Variants in CENPE observed in about 807,000 individuals in gnomAD.
CENPE encodes the protein centromere protein E, also known as centromere-associated protein E.
In CENPE, 145 loss-of-function variants were observed where a neutral mutation model predicts 336.1. The ratio of observed to expected loss-of-function variants is 0.43; its 90% CI spans 0.38 to 0.50. The LOEUF (loss-of-function observed/expected upper bound fraction) is 0.50. CENPE is among the 20% of genes least tolerant of loss of function. CENPE has a pLI of 0.00. For synonymous variants in CENPE, 1,013 were observed against 984.8 expected, an observed-to-expected ratio of 1.03 and a Z score of -0.54; for missense variants, 2,719 against 3,023.3, an observed-to-expected ratio of 0.90 and a Z score of 2.36.
chr4:103,116,251 T>TACACACACACAC lies in CENPE; in HGVS notation c.7442+314_7442+325dup, dbSNP rs58894383. ...CAGAAGCCTTAGTAAAACTGCTAAA[T>TACACACACACAC]ACACACACACACACACACACACACA... is the stretch of plus-strand genomic sequence containing the variant. On this transcript the variant is annotated intron_variant, in intron 45 of 48. Transcript: ENST00000265148. The TACACACACACAC allele has an allele frequency of 0.031, 4,601 of 149,956 alleles. 70 individuals carry two copies. The highest frequency in any genetic ancestry group is 0.05 in the Middle Eastern group (15 of 300). The allele number at this position is 149,956 out of a possible 1,614,324, so 9.3% of individuals were successfully genotyped here. A position where few individuals can be genotyped will look rare whatever the true frequency, so the allele number is the denominator to read the frequency against.
At chr4:103,148,813 T>G in intron 28 of CENPE, 31 bp downstream of exon 28, 1 of 1,586,482 alleles carries the variant, frequency 6.3e-7, no homozygotes, top group Non-Finnish European at 8.6e-7. Context: ...AAGGAAGAAG[T>G]GACAAAGGAT....
At chr4:103,184,443 G>C (rs1389816192) in intron 9 of CENPE, among the ~76,000 whole-genome samples, 2 of 152,072 alleles carry the variant, frequency 1.3e-5, no homozygotes, top group Non-Finnish European at 2.9e-5. Flanking sequence ...AGTTACAAAA[G>C]GGTTTTCCCA....
intron 16 of CENPE, among the ~76,000 whole-genome samples, chr4:103,171,415 CA>C (rs1755400342): frequency 6.6e-6 from 1 of 151,966 alleles, no homozygotes; most frequent in Non-Finnish European, 1.5e-5. Flanking sequence ...CGCTCCTGAA[CA>C]ACCACTGGGT....
At position 103,183,546 on chromosome 4, in the gene CENPE, A is replaced by G. The variant is rs180682359; in HGVS notation, c.746-258T>C. Among the ~76,000 whole-genome samples the G allele has an allele frequency of 3.8e-3, 582 of 152,074 alleles. 5 individuals are homozygous for G. The highest frequency in any genetic ancestry group is 0.014 in the African/African-American group (565 of 41,496). ...TGAAGAGGGAGGGAAGAATGCAGGG[A>G]AAAAAAACCTGTTTCCTGAAAGAGC... On this transcript the variant is annotated intron_variant, in intron 9 of 48. Transcript: ENST00000265148.
At chr4:103,124,862 T>TG (rs2125876065) in intron 42 of CENPE, among the ~76,000 whole-genome samples, 1 of 152,314 alleles carries the variant, frequency 6.6e-6, no homozygotes, top group East Asian at 1.9e-4. Context: ...TCCTTGGCTC[T>TG]GGACTATGCA....
chr4:103,146,662 C>A (rs550084703), intron 29 of CENPE, among the ~76,000 whole-genome samples: 9 of 149,494 alleles, frequency 6.0e-5, no homozygotes, highest in Non-Finnish European at 1.0e-4. Context: ...AAGATCTGCA[C>A]CTAGGGCCTC....
At chr4:103,114,038 G>A (rs940422055) in intron 46 of CENPE, among the ~76,000 whole-genome samples, 9 of 152,016 alleles carry the variant, frequency 5.9e-5, no homozygotes, top group Admixed American at 4.6e-4. Context: ...TTAGTTTCAA[G>A]AACAAACAGA....
chr4:103,197,916 T>A (rs1757861088), intron 1 of CENPE, among the ~76,000 whole-genome samples: 1 of 152,174 alleles, frequency 6.6e-6, no homozygotes, highest in African/African-American at 2.4e-5. Context: ...AGGTGTAAAA[T>A]GACTAACTGT....
Position 103,147,741 on chromosome 4 carries a change from G to T in CENPE, c.3844-95C>A, listed in dbSNP as rs2711894. ...CGGCATCTCACTCTGTTGCCCAGGT[G>T]GGAGTGCAGTGGCGCAATCTCAGTT... On this transcript the variant is annotated intron_variant, in intron 28 of 48. Coordinates refer to ENST00000265148, the MANE Select transcript of CENPE (RefSeq NM_001813.3). The T allele has an allele frequency of 0.16, 174,162 of 1,112,196 alleles. 14,976 individuals are homozygous for T. The highest frequency in any genetic ancestry group is 0.17 in the Non-Finnish European group (134,564 of 790,480). The allele number at this position is 1,112,196 out of a possible 1,614,324, so 68.9% of individuals were successfully genotyped here. A position where few individuals can be genotyped will look rare whatever the true frequency, so the allele number is the denominator to read the frequency against.
In CENPE at chr4:103,122,961, A is replaced by C. The variant is rs773511630; in HGVS notation, c.7053T>G (p.Thr2351=). Reference sequence around the variant, plus strand: ...TAACCTGGGCACCAGATGCCAAGGAAGTCTTCAATGTTTGGTAGTTTTTAA... The same window carrying C: ...TAACCTGGGCACCAGATGCCAAGGACGTCTTCAATGTTTGGTAGTTTTTAA... ...KLFKNYQTLK[T]SLASGAQVNP... is the part of the protein sequence containing the mutation. The change falls in exon 43 of 49, where the codon ACT becomes ACG. Residue 2351 remains threonine, a synonymous_variant. Transcript: ENST00000265148. The C allele has an allele frequency of 1.5e-5, 24 of 1,613,834 alleles. No homozygotes were observed. The highest frequency in any genetic ancestry group is 3.4e-6 in the Non-Finnish European group (4 of 1,179,860).
intron 28 of CENPE, among the ~76,000 whole-genome samples, chr4:103,148,382 A>G (rs1753245016): frequency 6.6e-6 from 1 of 152,236 alleles, no homozygotes; most frequent in Non-Finnish European, 1.5e-5. Flanking sequence ...ATGATAAATT[A>G]GTGGTACCAT....
At position 103,163,568 on chromosome 4, in the gene CENPE, G is replaced by GAACAGGT. The variant is rs766106622; in HGVS notation, c.1648-22_1648-16dup. 8.4e-7 allele frequency: 1 copy of GAACAGGT among 1,192,014 alleles called. No individual in the cohort carries two copies. Among genetic ancestry groups the GAACAGGT allele is most frequent in the East Asian group, 2.9e-5 (1 of 34,372 alleles). 73.8% of individuals were successfully genotyped at this position (1,192,014 alleles called of 1,614,324 possible). ...ATTAGTTGCATCTGTAAGAGCATGT[G>GAACAGGT]AACAGGTAACAGAGCAAACCAATAG... On this transcript the variant is annotated splice_polypyrimidine_tract_variant and intron_variant, in intron 16 of 48. Coordinates refer to ENST00000265148, the MANE Select transcript of CENPE (RefSeq NM_001813.3).
intron 46 of CENPE, among the ~76,000 whole-genome samples, chr4:103,112,428 TACTTATAC>T (rs1749543288): frequency 7.3e-6 from 1 of 137,506 alleles, no homozygotes; most frequent in African/African-American, 2.6e-5. Context: ...TATACTTATA[TACTTATAC>T]ATACATATAC....
Position 103,158,882 on chromosome 4 carries a change from GA to G in CENPE, c.2605del (p.Ser869LeufsTer18). ...CTCCTGAAGTTCTTGGGTCTTGTAA[GA>G]AAGCTTTAAAAAAGAAAAAGTAAAT... Reference protein sequence around the residue: ...SSLGALKTELSYKTQELQEKT... With the variant: ...SSLGALKTELXYKTQELQEKT... On this transcript the variant is annotated frameshift_variant, in exon 23 of 49. Coordinates refer to ENST00000265148, the MANE Select transcript of CENPE (RefSeq NM_001813.3). LOFTEE classifies it high-confidence loss of function. 2 of 1,593,242 alleles carry G rather than the reference GA, an allele frequency of 1.3e-6. No individual in the cohort carries two copies. The highest frequency in any genetic ancestry group is 1.7e-6 in the Non-Finnish European group (2 of 1,174,436).
intron 12 of CENPE, among the ~76,000 whole-genome samples, chr4:103,181,035 G>A (rs561181375): frequency 1.0e-3 from 152 of 152,138 alleles, no homozygotes; most frequent in African/African-American, 3.2e-3. Context: ...CTTTTTAATC[G>A]AATTCATATG....
Position 103,106,247 on chromosome 4 carries a change from T to A in CENPE, c.8081A>T (p.Asp2694Val). 1 of 1,596,558 alleles carries A rather than the reference T, an allele frequency of 6.3e-7. No individual in the cohort carries two copies. The highest frequency in any genetic ancestry group is 8.5e-7 in the Non-Finnish European group (1 of 1,170,178). ...PGPWHASSGK[D>V]VPECKTQ The stretch of plus-strand genomic sequence containing the variant: ...CTACTGAGTTTTGCACTCAGGCACA[T>A]CCTTGCCTGAGGAGGCGTGCCAAGG... Residue 2694 changes from aspartate (D) to valine (V), a missense_variant, in exon 49 of 49, where the codon GAT (aspartate) becomes GTT (valine). Asp to Val is a radical substitution (Grantham distance 152). Coordinates refer to ENST00000265148, the MANE Select transcript of CENPE (RefSeq NM_001813.3).
rs761308491 is a variant in CENPE, at chr4:103,116,663, T to C, written c.7356A>G (p.Pro2452=). ...LQDKVALGAK[P]YKEEIEDLKM... ...TGAGATCTTCAATTTCTTCTTTATA[T>C]GGCTTAGCTCCTAAAGCAACTTTGT... The change falls in exon 45 of 49, where the codon CCA becomes CCG. Residue 2452 remains proline, a synonymous_variant. Transcript: ENST00000265148. 3.8e-6 allele frequency: 6 copies of C among 1,589,998 alleles called. No individual in the cohort carries two copies. The Admixed American group carries it at 1.1e-4, about 29-fold the overall frequency.
intron 42 of CENPE, among the ~76,000 whole-genome samples, chr4:103,129,433 A>T (rs1751395997): frequency 6.6e-6 from 1 of 152,176 alleles, no homozygotes; most frequent in African/African-American, 2.4e-5. Flanking sequence ...ACAGACCAGT[A>T]TCTCCCATAA....
chr4:103,149,783 G>A (rs978754898), intron 26 of CENPE, among the ~76,000 whole-genome samples: 4 of 152,242 alleles, frequency 2.6e-5, no homozygotes, highest in Admixed American at 1.3e-4. Context: ...GAATGCGAAG[G>A]GTAGCTGGGA....
Sources: allele counts gnomAD v4.1 joint callset (sites outside exome capture counted in the v4.1 genomes callset), GRCh38; gene constraint gnomAD v4.1.1; transcripts MANE v1.5; gene names NCBI Gene and HGNC (gene_info 2026-07-23, HGNC 2026-07-21).